Variants in ZC4H2 observed in about 807,000 individuals in gnomAD.
ZC4H2 encodes zinc finger C4H2-type containing, also known as zinc finger C4H2 domain-containing protein.
For synonymous variants in ZC4H2, 84 were observed against 66.3 expected (o/e 1.27, Z -1.30); for missense variants, 137 against 173.9 (o/e 0.79, Z 1.19).
chrX:64,982,445 A>G (rs1932101204), intron 1 of ZC4H2, among the ~76,000 whole-genome samples: 1 of 112,589 alleles, frequency 8.9e-6, no homozygotes, highest in Non-Finnish European at 1.9e-5. Context: ...TGGTTGAATT[A>G]TAATAGGCAT....
At chrX:64,979,033 G>A (rs561058588), upstream of ZC4H2, among the ~76,000 whole-genome samples, 5 of 111,925 alleles carry the variant, frequency 4.5e-5, no homozygotes. Context: ...ATGTTAATGG[G>A]TTTAGAGTCT....
intron 1 of ZC4H2, among the ~76,000 whole-genome samples, chrX:64,970,906 T>C (rs1243304383): frequency 9.0e-6 from 1 of 111,601 alleles, no homozygotes; most frequent in Admixed American, 9.5e-5. Context: ...GGAGGCAGCA[T>C]GAATGCCATG....
Position 64,916,662 on chromosome X carries a change from A to T in ZC4H2, c.*1121T>A, listed in dbSNP as rs1206222343. On this transcript the variant is annotated 3_prime_UTR_variant, in exon 5 of 5. Transcript: ENST00000374839. ...TATCTTCGAGTGACCTTACCAGGAA[A>T]CCTGGCTTTGGTGGAAAGGAGAGCT... The T allele has an allele frequency of 9.0e-6, 1 of 111,250 alleles. No homozygotes were observed. The highest frequency in any genetic ancestry group is 1.9e-5 in the Non-Finnish European group (1 of 53,016). 9.2% of individuals were successfully genotyped at this position (111,250 alleles called of 1,213,427 possible).
At chrX:64,986,306 T>C (rs1932185235) in intron 1 of ZC4H2, among the ~76,000 whole-genome samples, 1 of 112,192 alleles carries the variant, frequency 8.9e-6, no homozygotes, top group Admixed American at 9.4e-5. Context: ...AGCTAGATGC[T>C]CTGCCTTCCA....
At position 64,947,135 on chromosome X, in the gene ZC4H2, A is replaced by C. The variant is rs1029798042; in HGVS notation, c.54-25147T>G. On this transcript the variant is annotated intron_variant, in intron 1 of 4. Coordinates refer to ENST00000374839, the MANE Select transcript of ZC4H2 (RefSeq NM_018684.4). ...TTGTTTAGTGTCCAAGCGTGTGTAG[A>C]TTTTTCTGGTAATTTTTTCTGGTTT... 5.4e-5 allele frequency among the ~76,000 whole-genome samples: 6 copies of C among 111,261 alleles called. No homozygotes were observed. The Admixed American group carries it at 5.8e-4, about 11-fold the overall frequency.
chrX:64,960,400 G>A (rs936641148), intron 1 of ZC4H2, among the ~76,000 whole-genome samples: 4 of 111,119 alleles, frequency 3.6e-5, no homozygotes, highest in Non-Finnish European at 7.6e-5. Context: ...ATTAGCACAC[G>A]TGTATAAGAA....
intron 1 of ZC4H2, among the ~76,000 whole-genome samples, chrX:64,999,270 G>T (rs761453081): frequency 3.6e-5 from 4 of 110,987 alleles, no homozygotes; most frequent in African/African-American, 6.6e-5. Context: ...GTTAGACACT[G>T]TGTGCAGCCC....
At chrX:65,022,869 G>T (rs1932847574) in intron 1 of ZC4H2, among the ~76,000 whole-genome samples, 1 of 112,022 alleles carries the variant, frequency 8.9e-6, no homozygotes, top group Non-Finnish European at 1.9e-5. Context: ...TGGCCAAACT[G>T]CGCAAGGTAA....
intron 1 of ZC4H2, among the ~76,000 whole-genome samples, chrX:64,926,485 T>C (rs758361173): frequency 8.9e-6 from 1 of 111,995 alleles, no homozygotes; most frequent in Non-Finnish European, 1.9e-5. Context: ...TTCCAGAGTG[T>C]ATCATTTCAC....
intron 1 of ZC4H2, among the ~76,000 whole-genome samples, chrX:64,945,929 C>G (rs757834406): frequency 9.0e-6 from 1 of 110,922 alleles, no homozygotes; most frequent in African/African-American, 3.3e-5. Flanking sequence ...AGCCCCTCCC[C>G]CCACCAAGCT....
intron 1 of ZC4H2, among the ~76,000 whole-genome samples, chrX:64,984,650 A>G (rs937662658): frequency 9.0e-6 from 1 of 111,527 alleles, no homozygotes; most frequent in African/African-American, 3.3e-5. Flanking sequence ...CTATAGGAGC[A>G]ACTGGGGAGG....
intron 1 of ZC4H2, among the ~76,000 whole-genome samples, chrX:64,990,380 T>C (rs1326139387): frequency 9.0e-6 from 1 of 111,081 alleles, no homozygotes; most frequent in Admixed American, 9.6e-5. Flanking sequence ...GGGAGGGAAG[T>C]AGGTGTGGCT....
In ZC4H2 at chrX:64,989,151, G is replaced by C. The variant is rs756478759; in HGVS notation, c.-272+45478C>G. Among the ~76,000 whole-genome samples the C allele has an allele frequency of 4.5e-5, 5 of 111,736 alleles. No homozygotes were observed. The East Asian group carries it at 1.4e-3, about 31-fold the overall frequency. ...GTAGTATAGTTTGAAGTCAGGTAGC[G>C]TGATGCCTCCAGCTTTGTTCTTTTG... On this transcript the variant is annotated intron_variant, in intron 1 of 4. Coordinates refer to the ZC4H2 transcript ENST00000337990.
chrX:64,945,334 T>C (rs1049038178), intron 1 of ZC4H2, among the ~76,000 whole-genome samples: 8 of 112,213 alleles, frequency 7.1e-5, no homozygotes, highest in Non-Finnish European at 7.5e-5. Flanking sequence ...TAACAGTGAG[T>C]CCCCTCTTCT....
intron 1 of ZC4H2, among the ~76,000 whole-genome samples, chrX:64,923,689 T>A (rs1466947067): frequency 1.8e-5 from 2 of 109,957 alleles, no homozygotes; most frequent in Admixed American, 2.0e-4. Context: ...TTGTATTTTT[T>A]TTTTTTTTGT....
At chrX:64,929,560 A>T (rs1012133438) in intron 1 of ZC4H2, among the ~76,000 whole-genome samples, 1 of 111,418 alleles carries the variant, frequency 9.0e-6, no homozygotes, top group Admixed American at 9.5e-5. Flanking sequence ...AGAGGTGAGG[A>T]TCTAGTTTCA....
intron 1 of ZC4H2, among the ~76,000 whole-genome samples, chrX:65,009,452 G>C (rs936379053): frequency 8.9e-6 from 1 of 111,950 alleles, no homozygotes; most frequent in African/African-American, 3.2e-5. Flanking sequence ...AGACAGATTC[G>C]TGATGCTTTC....
intron 1 of ZC4H2, among the ~76,000 whole-genome samples, chrX:64,975,397 T>A (rs2147420521): frequency 9.0e-6 from 1 of 111,608 alleles, no homozygotes; most frequent in African/African-American, 3.3e-5. Flanking sequence ...ATCAAAGTCT[T>A]ATTTCTTAAA....
upstream of ZC4H2, among the ~76,000 whole-genome samples, chrX:64,980,255 G>A (rs899181050): frequency 1.8e-5 from 2 of 112,124 alleles, no homozygotes; most frequent in Non-Finnish European, 3.8e-5. Context: ...ACAGACATGG[G>A]CCCTGCCCTT....
Sources: gnomAD v4.1 joint callset for allele counts (sites outside exome capture counted in the v4.1 genomes callset) on GRCh38, gnomAD v4.1.1 for gene constraint, MANE v1.5 for transcripts, NCBI Gene and HGNC (gene_info 2026-07-23, HGNC 2026-07-21) for gene names.